ZNF469: variants seen among roughly 807,000 people sequenced by gnomAD.
ZNF469 encodes zinc finger protein 469.
A neutral mutation model predicts 1.0 loss-of-function variants in ZNF469; 1 was observed. The ratio of observed to expected loss-of-function variants is 1.00; its 90% CI spans 0.35 to 4.73. The LOEUF (loss-of-function observed/expected upper bound fraction) is 4.73, where lower values mean the gene tolerates loss of function less well. Among genes scored for constraint, ZNF469 ranks in the 30% most tolerant of loss-of-function variants. The pLI, the probability that ZNF469 is intolerant of heterozygous loss-of-function variation, is 0.16. For synonymous variants in ZNF469, 2,703 were observed against 2,363.4 expected, an observed-to-expected ratio of 1.14 and a Z score of -4.17; for missense variants, 6,100 against 5,356.3, an observed-to-expected ratio of 1.14 and a Z score of -4.33.
the ZNF469 span, among the ~76,000 whole-genome samples, chr16:88,219,242 T>C: frequency 6.6e-6 from 1 of 150,664 alleles, no homozygotes; most frequent in South Asian, 2.1e-4. Context: ...TACCAATGCC[T>C]TTCCTCACAG....
chr16:88,235,125 G>A, the ZNF469 span, among the ~76,000 whole-genome samples: 4 of 152,166 alleles, frequency 2.6e-5, no homozygotes, highest in Non-Finnish European at 5.9e-5. Context: ...TGAAATTCTT[G>A]AGACTGGTTG....
chr16:88,386,848 A>G (rs8062363), intron 1 of ZNF469, among the ~76,000 whole-genome samples: 99,295 of 152,036 alleles, frequency 0.65, 33,105 homozygotes, highest in African/African-American at 0.79. Flanking sequence ...GGCTCTGTGA[A>G]GTAGCCTTGA....
the ZNF469 span, among the ~76,000 whole-genome samples, chr16:88,135,403 C>T: frequency 2.0e-5 from 3 of 152,204 alleles, no homozygotes; most frequent in Admixed American, 2.0e-4. Flanking sequence ...TCAGTGACAC[C>T]GCCAGATGGG....
the ZNF469 span, among the ~76,000 whole-genome samples, chr16:88,298,924 T>C: frequency 2.0e-5 from 3 of 152,202 alleles, no homozygotes; most frequent in African/African-American, 7.2e-5. Flanking sequence ...ACAGAAGGTT[T>C]GGTGGTGAGC....
At chr16:88,348,128 C>T in the ZNF469 span, among the ~76,000 whole-genome samples, 7 of 152,254 alleles carry the variant, frequency 4.6e-5, no homozygotes, top group Admixed American at 3.9e-4. Context: ...CATCTGTGTG[C>T]GTCCCCTGGG....
chr16:88,394,310 GT>G (rs1904592849), intron 1 of ZNF469, among the ~76,000 whole-genome samples: 1 of 152,230 alleles, frequency 6.6e-6, no homozygotes, highest in East Asian at 1.9e-4. Context: ...CACCTGTGCT[GT>G]CCGAGAGGGG....
At chr16:88,192,935 TGATGATGGTGATGATGATGAG>T in the ZNF469 span, among the ~76,000 whole-genome samples, 6 of 148,970 alleles carry the variant, frequency 4.0e-5, no homozygotes, top group African/African-American at 1.2e-4. Context: ...ATGGTGATAG[TGATGATGGTGATGATGATGAG>T]GATGATGGTG....
the ZNF469 span, among the ~76,000 whole-genome samples, chr16:88,360,313 C>T: frequency 1.4e-4 from 21 of 152,338 alleles, no homozygotes; most frequent in South Asian, 4.1e-4. Flanking sequence ...AGCCACCGTG[C>T]CTGGCCTTGA....
At chr16:88,192,769 GTGATGA>G in the ZNF469 span, among the ~76,000 whole-genome samples, 117 of 152,256 alleles carry the variant, frequency 7.7e-4, no homozygotes, top group African/African-American at 9.4e-4. Context: ...GATCATGATG[GTGATGA>G]TGGTGGTGAT....
the ZNF469 span, among the ~76,000 whole-genome samples, chr16:88,375,030 A>C: frequency 6.6e-6 from 1 of 152,240 alleles, no homozygotes; most frequent in African/African-American, 2.4e-5. Context: ...AAGCGCTGGG[A>C]CTGTGCACAC....
chr16:88,125,757 A>G, the ZNF469 span, among the ~76,000 whole-genome samples: 10 of 151,998 alleles, frequency 6.6e-5, no homozygotes, highest in Non-Finnish European at 1.5e-4. Context: ...CTTGCAAATG[A>G]TATTTTATTT....
chr16:88,325,220 C>T, the ZNF469 span, among the ~76,000 whole-genome samples: 18,960 of 140,808 alleles, frequency 0.13, 1,537 homozygotes, highest in African/African-American at 0.15. Flanking sequence ...GCAGCTGTGA[C>T]ATACACAGGG....
Position 88,434,909 on chromosome 16 carries a change from C to G in ZNF469, c.7439C>G (p.Ser2480Cys), listed in dbSNP as rs1379616178. ...GTGACCTGTGAGGTCTGCGCAGCCT[C>G]CTTCCGCTCCGGGCCGGGCCTGAGC... ...GPVTCEVCAASFRSGPGLSRH... is the reference protein window; with the variant it reads ...GPVTCEVCAACFRSGPGLSRH... The change falls in exon 3 of 3, where the codon TCC becomes TGC. Residue 2480 changes from serine to cysteine, a missense_variant. Physicochemically the swap from Ser to Cys is moderately radical, Grantham distance 112 (BLOSUM62 -1). Transcript: ENST00000565624. 1.9e-6 allele frequency: 3 copies of G among 1,550,298 alleles called. No individual in the cohort carries two copies. Among genetic ancestry groups the G allele is most frequent in the Non-Finnish European group, 2.6e-6 (3 of 1,146,988 alleles).
Position 88,435,999 on chromosome 16 carries a change from C to T in ZNF469, c.8529C>T (p.Gly2843=). 1.3e-6 allele frequency: 2 copies of T among 1,550,206 alleles called. No individual in the cohort carries two copies. The highest frequency in any genetic ancestry group is 2.4e-5 in the South Asian group (2 of 84,064). Residue 2843 remains glycine, a synonymous_variant, in exon 3 of 3, where the codon GGC becomes GGT. Coordinates refer to ENST00000565624, the MANE Select transcript of ZNF469 (RefSeq NM_001367624.2). The part of the protein sequence containing the change: ...GPEGPTPDAS[G]SSAKDPPSLF... ...AAGGCCCCACTCCTGATGCCTCTGG[C>T]TCCAGTGCCAAGGATCCTCCAAGCT...
the ZNF469 span, among the ~76,000 whole-genome samples, chr16:88,192,834 G>C: frequency 6.6e-6 from 1 of 150,692 alleles, no homozygotes; most frequent in Admixed American, 6.6e-5. Context: ...TGGTGGTGGT[G>C]ATGACAATGA....
the ZNF469 span, among the ~76,000 whole-genome samples, chr16:88,175,866 G>T: frequency 6.6e-6 from 1 of 152,192 alleles, no homozygotes; most frequent in African/African-American, 2.4e-5. Context: ...GAGGAAATCC[G>T]TTTCACTGGT....
the ZNF469 span, among the ~76,000 whole-genome samples, chr16:88,250,326 G>C: frequency 3.3e-5 from 5 of 152,070 alleles, no homozygotes; most frequent in African/African-American, 1.2e-4. Flanking sequence ...TGTGCATTAG[G>C]CTTCTTTTGT....
chr16:88,157,967 C>G, the ZNF469 span, among the ~76,000 whole-genome samples: 1 of 151,726 alleles, frequency 6.6e-6, no homozygotes, highest in African/African-American at 2.4e-5. Context: ...GACCTGGATG[C>G]CACACGAGGC....
rs1434048900 is a variant in ZNF469, at chr16:88,433,578, A to G, written c.6108A>G (p.Leu2036=). 10 of 1,550,198 alleles carry G rather than the reference A, an allele frequency of 6.5e-6. No individual in the cohort carries two copies. The highest frequency in any genetic ancestry group is 8.7e-6 in the Non-Finnish European group (10 of 1,146,846). Residue 2036 remains leucine, a synonymous_variant, in exon 3 of 3, where the codon CTA becomes CTG. Transcript: ENST00000565624. ...LTGPTEGAVL[L]EKCKGSRAAM... Reference sequence around the variant, plus strand: ...GCCCCACCGAGGGTGCAGTCCTGCTAGAGAAATGCAAGGGAAGCAGGGCAG... The same window carrying G: ...GCCCCACCGAGGGTGCAGTCCTGCTGGAGAAATGCAAGGGAAGCAGGGCAG...
Sources: allele counts gnomAD v4.1 joint callset (sites outside exome capture counted in the v4.1 genomes callset), GRCh38; gene constraint gnomAD v4.1.1; transcripts MANE v1.5; gene names NCBI Gene and HGNC (gene_info 2026-07-23, HGNC 2026-07-21).